GNPTAB: variants seen among roughly 807,000 people sequenced by gnomAD.
GNPTAB encodes the protein N-acetylglucosamine-1-phosphotransferase subunits alpha/beta.
Under a neutral mutation model 136.6 loss-of-function variants are expected in GNPTAB, and 92 were observed. That is an observed-to-expected ratio of 0.67 (90% CI 0.57 to 0.80). The LOEUF (loss-of-function observed/expected upper bound fraction) is 0.80, where lower values mean the gene tolerates loss of function less well. GNPTAB is among the 30% of genes least tolerant of loss of function. The probability of loss-of-function intolerance (pLI) is 0.00; values close to 1 mark genes in which losing one functional copy is unlikely to be tolerated. For synonymous variants in GNPTAB, 512 were observed against 535.1 expected (o/e 0.96, Z 0.60); for missense variants, 1,343 against 1,501.8 (o/e 0.89, Z 1.75).
chr12:101,777,163 G>A (rs1003303949), intron 7 of GNPTAB, among the ~76,000 whole-genome samples: 2 of 152,168 alleles, frequency 1.3e-5, no homozygotes, highest in Non-Finnish European at 2.9e-5. Flanking sequence ...GTGATGTTGA[G>A]TGTTTCTCTC....
At chr12:101,766,428 A>C (rs1953095048) in intron 11 of GNPTAB, 134 bp from the exon 12 acceptor site, 2 of 753,298 alleles carry the variant, frequency 2.7e-6, no homozygotes, top group Non-Finnish European at 4.6e-6. Flanking sequence ...ACCTGAGGTC[A>C]GGAGTTTGAG....
chr12:101,778,323 A>G (rs923439227), intron 7 of GNPTAB: 24 of 152,222 alleles, frequency 1.6e-4, no homozygotes, highest in Non-Finnish European at 2.9e-5. Flanking sequence ...TATTGAAATT[A>G]TATAAATAGA....
chr12:101,746,777 C>A lies in GNPTAB; in HGVS notation c.*387G>T. 1 of 169,770 alleles carries A rather than the reference C, an allele frequency of 5.9e-6. No individual in the cohort carries two copies. The allele number at this position is 169,770 out of a possible 1,614,324, so 10.5% of individuals were successfully genotyped here. A position where few individuals can be genotyped will look rare whatever the true frequency, so the allele number is the denominator to read the frequency against. On this transcript the variant is annotated 3_prime_UTR_variant, in exon 21 of 21. Coordinates refer to ENST00000299314, the MANE Select transcript of GNPTAB (RefSeq NM_024312.5). ...AAAAGTGCAAAACTTTAGCAAAAGG[C>A]TTTGGAATGCAAAGACTGGAGCCTC...
chr12:101,796,392 T>A, intron 2 of GNPTAB: 2 of 658,020 alleles, frequency 3.0e-6, no homozygotes, highest in East Asian at 5.4e-5. Flanking sequence ...ATGGACATAT[T>A]TTCTTTCCTT....
At chr12:101,755,661 A>T (rs1398785580) in intron 18 of GNPTAB, among the ~76,000 whole-genome samples, 1 of 152,234 alleles carries the variant, frequency 6.6e-6, no homozygotes, top group Admixed American at 6.5e-5. Flanking sequence ...TGTTAACGGG[A>T]TAAACATGTC....
At chr12:101,796,862 A>G (rs1461346304) in intron 1 of GNPTAB, 100 bp from the exon 2 acceptor site, 12 of 806,048 alleles carry the variant, frequency 1.5e-5, no homozygotes, top group African/African-American at 1.7e-5. Flanking sequence ...AGAAATGGGT[A>G]AAGAAATCAA....
intron 2 of GNPTAB, among the ~76,000 whole-genome samples, chr12:101,793,018 T>C (rs994846689): frequency 6.6e-6 from 1 of 152,236 alleles, no homozygotes; most frequent in Non-Finnish European, 1.5e-5. Context: ...CACTGATTTA[T>C]ATGTAGGTTA....
chr12:101,772,586 G>A (rs985066717), intron 7 of GNPTAB, among the ~76,000 whole-genome samples: 2 of 152,062 alleles, frequency 1.3e-5, no homozygotes, highest in African/African-American at 4.8e-5. Context: ...GTGAGTGCCT[G>A]GCACATATTT....
chr12:101,786,828 A>C (rs1488488927), intron 4 of GNPTAB, among the ~76,000 whole-genome samples: 1 of 152,244 alleles, frequency 6.6e-6, no homozygotes, highest in East Asian at 1.9e-4. Context: ...CCAGTTAAAC[A>C]GTATAAAAAA....
intron 7 of GNPTAB, among the ~76,000 whole-genome samples, chr12:101,772,142 CTT>C (rs772522119): frequency 4.6e-5 from 7 of 152,212 alleles, no homozygotes; most frequent in East Asian, 1.9e-4. Context: ...CCACACCACT[CTT>C]TATCTGTTTT....
In GNPTAB at chr12:101,753,536, C is replaced by A. The variant is rs1952854319; in HGVS notation, c.3438G>T (p.Lys1146Asn). The A allele has an allele frequency of 1.2e-6, 2 of 1,613,232 alleles. No individual in the cohort carries two copies. Among genetic ancestry groups the A allele is most frequent in the Non-Finnish European group, 1.7e-6 (2 of 1,179,196 alleles). ...QLDDIRKNPRKFVCLNDNIDH... is the reference protein window; with the variant it reads ...QLDDIRKNPRNFVCLNDNIDH... ...CAATGTTGTCATTCAGGCAAACAAA[C>A]TTCCTGAAATAACAGAGAGCCAGGG... The change falls in exon 19 of 21, where the codon AAG (lysine) becomes AAT (asparagine). Residue 1146 changes from lysine (K) to asparagine (N), a missense_variant. Transcript: ENST00000299314.
At chr12:101,767,923 A>AT in intron 11 of GNPTAB, 114 bp downstream of exon 11, 3 of 1,186,662 alleles carry the variant, frequency 2.5e-6, no homozygotes, top group Non-Finnish European at 3.7e-6. Flanking sequence ...AGCATTACTG[A>AT]TTCTTTATTA....
intron 8 of GNPTAB, 80 bp from the exon 9 acceptor site, chr12:101,770,665 C>A: frequency 9.9e-7 from 1 of 1,005,592 alleles, no homozygotes; most frequent in Non-Finnish European, 1.5e-6. Flanking sequence ...TCCTTCTGCC[C>A]GTCTGCTCTC....
At chr12:101,795,274 A>G (rs968357330) in intron 2 of GNPTAB, among the ~76,000 whole-genome samples, 1 of 152,134 alleles carries the variant, frequency 6.6e-6, no homozygotes, top group African/African-American at 2.4e-5. Flanking sequence ...TAAGCCCTCC[A>G]CTGCAAGCTA....
chr12:101,754,132 C>T (rs1317090624), intron 18 of GNPTAB, among the ~76,000 whole-genome samples: 1 of 150,728 alleles, frequency 6.6e-6, no homozygotes, highest in African/African-American at 2.4e-5. Flanking sequence ...TACCTAAAAC[C>T]AAGTTCTCTG....
At chr12:101,748,907 G>A (rs1016414823) in intron 20 of GNPTAB, among the ~76,000 whole-genome samples, 194 bp downstream of exon 20, 1 of 152,182 alleles carries the variant, frequency 6.6e-6, no homozygotes, top group African/African-American at 2.4e-5. Flanking sequence ...GGATTTAGAA[G>A]AGAAATGAAT....
chr12:101,811,949 C>T (rs1040876783), intron 1 of GNPTAB, among the ~76,000 whole-genome samples: 1 of 150,212 alleles, frequency 6.7e-6, no homozygotes, highest in Non-Finnish European at 1.5e-5. Context: ...GTGCTACACA[C>T]TTTTAAACAA....
intron 1 of GNPTAB, among the ~76,000 whole-genome samples, chr12:101,822,378 C>T (rs1394570237): frequency 1.3e-5 from 2 of 152,188 alleles, no homozygotes; most frequent in Non-Finnish European, 2.9e-5. Context: ...CGCGCCACTG[C>T]ACTCCAACCT....
rs73394439 is a variant in GNPTAB at position 101,816,379 on chromosome 12, T to C, written c.117+14180A>G. Among the ~76,000 whole-genome samples, 985 of 152,262 alleles carry C rather than the reference T, an allele frequency of 6.5e-3. 9 individuals carry two copies. Among genetic ancestry groups the C allele is most frequent in the African/African-American group, 0.022 (930 of 41,548 alleles). ...AACCCAAATAATCTGATTTTAATAT[T>C]GGCAAAATATCAGAATAGACATTTC... On this transcript the variant is annotated intron_variant, in intron 1 of 20. Coordinates refer to ENST00000299314, the MANE Select transcript of GNPTAB (RefSeq NM_024312.5).
Sources: allele counts gnomAD v4.1 joint callset (sites outside exome capture counted in the v4.1 genomes callset), GRCh38; gene constraint gnomAD v4.1.1; transcripts MANE v1.5; gene names NCBI Gene and HGNC (gene_info 2026-07-23, HGNC 2026-07-21).